The following B3GALT9 variants were observed in gnomAD, a reference collection of about 807,000 sequenced individuals.
B3GALT9 encodes UDP-GlcNAc:betaGal beta-1,3-N-acetylglucosaminyltransferase 10 (putative).
rs1205106478 is a variant in B3GALT9, at chr9:120,799,046, C to T, written c.478C>T (p.Leu160=). The T allele has an allele frequency of 5.0e-6, 2 of 398,924 alleles. No homozygotes were observed. Among genetic ancestry groups the T allele is most frequent in the Non-Finnish European group, 8.8e-6 (2 of 226,086 alleles). The allele number at this position is 398,924 out of a possible 1,614,324, so 24.7% of individuals were successfully genotyped here. Residue 160 remains leucine, a synonymous_variant, in exon 3 of 3, where the codon CTG becomes TTG. Coordinates refer to ENST00000689072, the MANE Select transcript of B3GALT9 (RefSeq NM_001386823.1). ...IFLDSSENQT[L]KIIAMIQWAV... ...CTTGGACAGTTCTGAGAACCAAACC[C>T]TGAAGATCATTGCAATGATACAGTG...
chr9:120,797,148 AAAAG>A (rs939932056), intron 2 of B3GALT9, among the ~76,000 whole-genome samples: 36 of 150,958 alleles, frequency 2.4e-4, no homozygotes, highest in South Asian at 1.0e-3. Context: ...AGAAAGAAAG[AAAAG>A]AAAGAAAGAG....
In B3GALT9 at chr9:120,801,524, G is replaced by A. The variant is rs1329680657; in HGVS notation, c.*1846G>A. Among the ~76,000 whole-genome samples, 2 of 152,160 alleles carry A rather than the reference G, an allele frequency of 1.3e-5. No individual in the cohort carries two copies. Among genetic ancestry groups the A allele is most frequent in the Non-Finnish European group, 2.9e-5 (2 of 68,036 alleles). Reference sequence around the variant, plus strand: ...GGAGGCCAAGGCAGGTGGGTCACCTGAGATGGGAATTCAAGAGCAGCCTGG... The same window carrying A: ...GGAGGCCAAGGCAGGTGGGTCACCTAAGATGGGAATTCAAGAGCAGCCTGG... On this transcript the variant is annotated 3_prime_UTR_variant, in exon 3 of 3. Transcript: ENST00000689072.
chr9:120,793,743 T>G lies in B3GALT9; in HGVS notation c.-361T>G, dbSNP rs2044909207. On this transcript the variant is annotated 5_prime_UTR_variant, in exon 1 of 3. Coordinates refer to ENST00000689072, the MANE Select transcript of B3GALT9 (RefSeq NM_001386823.1). ...GAGAGGGAGCTGTGGCTTAGAGAAG[T>G]TAAGAGACGTGTCCAAATTCATACA... 2.5e-6 allele frequency: 1 copy of G among 398,320 alleles called. No individual in the cohort carries two copies. Among genetic ancestry groups the G allele is most frequent in the Non-Finnish European group, 4.4e-6 (1 of 226,022 alleles). 24.7% of individuals were successfully genotyped at this position (398,320 alleles called of 1,614,324 possible).
Position 120,799,931 on chromosome 9 carries a change from C to A in B3GALT9, c.*253C>A. ...TCTCAAAAGAGAGAACATTATGTTT[C>A]ATTGTTTATTTAGTTTTCGTTTTTT... On this transcript the variant is annotated 3_prime_UTR_variant, in exon 3 of 3. Transcript: ENST00000689072. 1.0e-5 allele frequency: 3 copies of A among 286,490 alleles called. No individual in the cohort carries two copies. The highest frequency in any genetic ancestry group is 1.3e-5 in the Non-Finnish European group (2 of 159,122). 17.7% of individuals were successfully genotyped at this position (286,490 alleles called of 1,614,324 possible). A position where few individuals can be genotyped will look rare whatever the true frequency, so the allele number is the denominator to read the frequency against.
chr9:120,795,708 A>T (rs987460852), intron 1 of B3GALT9, among the ~76,000 whole-genome samples: 1 of 152,224 alleles, frequency 6.6e-6, no homozygotes, highest in African/African-American at 2.4e-5. Flanking sequence ...ATGTTGAAGG[A>T]AAGGACGAAA....
At position 120,799,009 on chromosome 9, in the gene B3GALT9, T is replaced by C. The variant is rs1455944064; in HGVS notation, c.441T>C (p.Ile147=). Residue 147 remains isoleucine (I), a synonymous_variant, in exon 3 of 3, where the codon ATT becomes ATC. Transcript: ENST00000689072. ...AATCCTGTAAGAATAATGATATAAT[T>C]GAAGGAATCTTCTTGGACAGTTCTG... ...NKESCKNNDI[I]EGIFLDSSEN... is the part of the protein sequence containing the mutation. 3 of 398,920 alleles carry C rather than the reference T, an allele frequency of 7.5e-6. No individual in the cohort carries two copies. Among genetic ancestry groups the C allele is most frequent in the African/African-American group, 6.2e-5 (3 of 48,626 alleles). The allele number at this position is 398,920 out of a possible 1,614,324, so 24.7% of individuals were successfully genotyped here.
chr9:120,797,395 A>G (rs1270126947), intron 2 of B3GALT9, among the ~76,000 whole-genome samples: 1 of 151,764 alleles, frequency 6.6e-6, no homozygotes, highest in African/African-American at 2.4e-5. Context: ...AATCCCAGCT[A>G]CTCAGGAGGC....
intron 2 of B3GALT9, among the ~76,000 whole-genome samples, chr9:120,798,149 G>T (rs1455643790): frequency 2.6e-5 from 4 of 152,230 alleles, no homozygotes; most frequent in African/African-American, 4.8e-5. Flanking sequence ...ATGGATCCAG[G>T]TGTTCCCATT....
chr9:120,800,917 C>T lies in B3GALT9; in HGVS notation c.*1239C>T, dbSNP rs1480963643. Among the ~76,000 whole-genome samples the T allele has an allele frequency of 6.6e-6, 1 of 152,168 alleles. No individual in the cohort carries two copies. The highest frequency in any genetic ancestry group is 1.9e-4 in the East Asian group (1 of 5,204). On this transcript the variant is annotated 3_prime_UTR_variant, in exon 3 of 3. Transcript: ENST00000689072. ...GGTAACCTCCATTTACTCTCTGTTT[C>T]TATGAATTTGAGTTTTTTTACACTC...
Position 120,793,513 on chromosome 9 carries a change from C to T in B3GALT9, c.-591C>T, listed in dbSNP as rs1049620290. On this transcript the variant is annotated 5_prime_UTR_variant, in exon 1 of 3. Transcript: ENST00000689072. ...AGGTGGGTGGTGGGAGGCTGGAGGC[C>T]GGGAGTAGGGGTGGGGAGAAGAGCG... The T allele has an allele frequency of 2.0e-5, 8 of 399,648 alleles. No individual in the cohort carries two copies. Among genetic ancestry groups the T allele is most frequent in the Middle Eastern group, 6.2e-4 (1 of 1,620 alleles). 24.8% of individuals were successfully genotyped at this position (399,648 alleles called of 1,614,324 possible). A position where few individuals can be genotyped will look rare whatever the true frequency, so the allele number is the denominator to read the frequency against.
At position 120,799,944 on chromosome 9, in the gene B3GALT9, G is replaced by T; in HGVS notation, c.*266G>T. On this transcript the variant is annotated 3_prime_UTR_variant, in exon 3 of 3. Coordinates refer to ENST00000689072, the MANE Select transcript of B3GALT9 (RefSeq NM_001386823.1). ...AACATTATGTTTCATTGTTTATTTA[G>T]TTTTCGTTTTTTTTTTTTCTTTTGA... 1 of 196,542 alleles carries T rather than the reference G, an allele frequency of 5.1e-6. No homozygotes were observed. Among genetic ancestry groups the T allele is most frequent in the Non-Finnish European group, 8.6e-6 (1 of 116,204 alleles). The allele number at this position is 196,542 out of a possible 1,614,324, so 12.2% of individuals were successfully genotyped here. A position where few individuals can be genotyped will look rare whatever the true frequency, so the allele number is the denominator to read the frequency against.
intron 2 of B3GALT9, 53 bp from the exon 3 acceptor site, chr9:120,798,522 A>G: frequency 2.5e-6 from 1 of 399,436 alleles, no homozygotes; most frequent in Non-Finnish European, 4.4e-6. Context: ...AATGAGGGCA[A>G]AAACAGGAAT....
rs2044910863 is a variant in B3GALT9 at position 120,793,882 on chromosome 9, A to C, written c.-222A>C. The C allele has an allele frequency of 2.6e-6, 1 of 379,924 alleles. No homozygotes were observed. Among genetic ancestry groups the C allele is most frequent in the Non-Finnish European group, 4.7e-6 (1 of 214,878 alleles). 23.5% of individuals were successfully genotyped at this position (379,924 alleles called of 1,614,324 possible). ...TTACATCTATTAGGAGGAGGAAGAC[A>C]GATAAACTAAGGCTCGTGCAAAGGA... On this transcript the variant is annotated 5_prime_UTR_variant, in exon 1 of 3. Transcript: ENST00000689072.
rs1016454040 is a variant in B3GALT9 at position 120,800,215 on chromosome 9, T to G, written c.*537T>G. On this transcript the variant is annotated 3_prime_UTR_variant, in exon 3 of 3. Coordinates refer to ENST00000689072, the MANE Select transcript of B3GALT9 (RefSeq NM_001386823.1). ...TCACTGCAACCTCTGCCTCCCAGGT[T>G]AAAGCAATTCTCCTGCCTCAGCCTC... is the stretch of plus-strand genomic sequence containing the variant. 6.6e-6 allele frequency among the ~76,000 whole-genome samples: 1 copy of G among 152,036 alleles called. No homozygotes were observed. Among genetic ancestry groups the G allele is most frequent in the Admixed American group, 6.5e-5 (1 of 15,270 alleles).
At chr9:120,794,078 G>A (rs531043497) in intron 1 of B3GALT9, among the ~76,000 whole-genome samples, 156 bp downstream of exon 1, 26 of 152,256 alleles carry the variant, frequency 1.7e-4, no homozygotes, top group Admixed American at 5.2e-4. Flanking sequence ...AAGGCTCTGA[G>A]GATTGAAGGA....
rs2044966962 is a variant in B3GALT9 at position 120,801,031 on chromosome 9, T to C, written c.*1353T>C. On this transcript the variant is annotated 3_prime_UTR_variant, in exon 3 of 3. Coordinates refer to ENST00000689072, the MANE Select transcript of B3GALT9 (RefSeq NM_001386823.1). ...ATGCACTCCAGGTTCATCCATGTTG[T>C]TGGAAATGACAGGATTTCTTTCATT... is the stretch of plus-strand genomic sequence containing the variant. Among the ~76,000 whole-genome samples the C allele has an allele frequency of 6.6e-6, 1 of 152,256 alleles. No individual in the cohort carries two copies. The highest frequency in any genetic ancestry group is 1.5e-5 in the Non-Finnish European group (1 of 68,044).
In B3GALT9 at chr9:120,799,684, C is replaced by A. The variant is rs1463778395; in HGVS notation, c.*6C>A. 2.0e-5 allele frequency: 8 copies of A among 398,572 alleles called. No individual in the cohort carries two copies. Among genetic ancestry groups the A allele is most frequent in the Non-Finnish European group, 4.4e-6 (1 of 226,050 alleles). The allele number at this position is 398,572 out of a possible 1,614,324, so 24.7% of individuals were successfully genotyped here. On this transcript the variant is annotated 3_prime_UTR_variant, in exon 3 of 3. Coordinates refer to ENST00000689072, the MANE Select transcript of B3GALT9 (RefSeq NM_001386823.1). The stretch of plus-strand genomic sequence containing the variant: ...TCATGTATTTTGCTGATTAGGATTT[C>A]TTTAATTTTCCTTATGAGTCTACTA...
Position 120,794,097 on chromosome 9 carries a change from A to C in B3GALT9, c.-182+175A>C, listed in dbSNP as rs114956551. 5.5e-3 allele frequency among the ~76,000 whole-genome samples: 842 copies of C among 152,324 alleles called. 11 individuals are homozygous for C. The highest frequency in any genetic ancestry group is 0.019 in the African/African-American group (794 of 41,568). The stretch of plus-strand genomic sequence containing the variant: ...CTCTGAGGATTGAAGGAAATGAAGC[A>C]TGCAAACCTTTTGGCGTCAAGAACT... On this transcript the variant is annotated intron_variant, in intron 1 of 2. Transcript: ENST00000689072.
At chr9:120,794,544 G>A (rs2044922196) in intron 1 of B3GALT9, among the ~76,000 whole-genome samples, 1 of 126,550 alleles carries the variant, frequency 7.9e-6, no homozygotes, top group Non-Finnish European at 1.8e-5. Flanking sequence ...GTGTGTGTGT[G>A]TGTATTTTTG....
Sources: allele counts gnomAD v4.1 joint callset (sites outside exome capture counted in the v4.1 genomes callset), GRCh38; gene constraint gnomAD v4.1.1; transcripts MANE v1.5; gene names NCBI Gene and HGNC (gene_info 2026-07-23, HGNC 2026-07-21).